RHBDD1: variants seen among roughly 807,000 people sequenced by gnomAD.
The protein encoded by RHBDD1 is rhomboid domain containing 1, also known as rhomboid-related protein 4.
Under a neutral mutation model 36.3 loss-of-function variants are expected in RHBDD1, and 38 were observed. The ratio of observed to expected loss-of-function variants is 1.05; its 90% CI spans 0.81 to 1.37. The LOEUF (loss-of-function observed/expected upper bound fraction) is 1.37. RHBDD1 is among the 40% of genes most tolerant of loss of function. The pLI is 0.00. For synonymous variants in RHBDD1, 151 were observed against 136.5 expected (o/e 1.11, Z -0.74); for missense variants, 393 against 377.6 (o/e 1.04, Z -0.34).
At chr2:226,980,420 G>A (rs970140258) in intron 8 of RHBDD1, among the ~76,000 whole-genome samples, 1 of 152,122 alleles carries the variant, frequency 6.6e-6, no homozygotes, top group African/African-American at 2.4e-5. Flanking sequence ...AAGAGAAAAC[G>A]GGAGATTTGG....
chr2:226,906,595 T>G (rs1948070843), intron 5 of RHBDD1, 198 bp from the exon 6 acceptor site: 3 of 1,199,058 alleles, frequency 2.5e-6, no homozygotes, highest in Non-Finnish European at 3.4e-6. Flanking sequence ...ATGTGGTGGT[T>G]GTTATTCATT....
intron 8 of RHBDD1, among the ~76,000 whole-genome samples, chr2:226,990,659 C>A (rs571842876): frequency 6.6e-6 from 1 of 152,204 alleles, no homozygotes; most frequent in East Asian, 1.9e-4. Flanking sequence ...AATGCAGAGG[C>A]TACTGCATTT....
At chr2:226,964,403 G>A (rs900304863) in intron 8 of RHBDD1, among the ~76,000 whole-genome samples, 1 of 152,020 alleles carries the variant, frequency 6.6e-6, no homozygotes, top group Non-Finnish European at 1.5e-5. Context: ...TTTTCCCAAT[G>A]TCACACTTTC....
chr2:226,959,960 C>T (rs918538306), intron 8 of RHBDD1, among the ~76,000 whole-genome samples: 1 of 151,996 alleles, frequency 6.6e-6, no homozygotes, highest in Admixed American at 6.6e-5. Flanking sequence ...GTAGCTGGGA[C>T]TACAGGCACC....
At chr2:226,839,812 C>G (rs1322854303) in intron 3 of RHBDD1, among the ~76,000 whole-genome samples, 185 bp downstream of exon 3, 3 of 151,870 alleles carry the variant, frequency 2.0e-5, no homozygotes, top group Non-Finnish European at 4.4e-5. Flanking sequence ...TAAAAAATCC[C>G]TCCAAGTTGT....
chr2:226,912,532 A>G (rs1432673992), intron 7 of RHBDD1, among the ~76,000 whole-genome samples: 1 of 152,190 alleles, frequency 6.6e-6, no homozygotes, highest in Non-Finnish European at 1.5e-5. Context: ...CATAAAAAAG[A>G]ATGAAGTACC....
intron 3 of RHBDD1, among the ~76,000 whole-genome samples, chr2:226,863,840 A>G (rs1347135948): frequency 2.6e-5 from 4 of 152,208 alleles, no homozygotes; most frequent in African/African-American, 4.8e-5. Context: ...CTAGTAAGCC[A>G]TGGAACTTCT....
chr2:226,941,566 A>C (rs752735903), intron 8 of RHBDD1, among the ~76,000 whole-genome samples: 1 of 152,250 alleles, frequency 6.6e-6, no homozygotes, highest in Non-Finnish European at 1.5e-5. Flanking sequence ...CTGAATTCCA[A>C]GTAGTCCCAA....
At chr2:226,807,959 G>A in the RHBDD1 span, among the ~76,000 whole-genome samples, 20 of 152,054 alleles carry the variant, frequency 1.3e-4, no homozygotes, top group East Asian at 2.5e-3. Context: ...AAATTGCAGT[G>A]AGCCGACGTC....
At chr2:226,891,880 C>G (rs1179708270) in intron 5 of RHBDD1, among the ~76,000 whole-genome samples, 1 of 152,180 alleles carries the variant, frequency 6.6e-6, no homozygotes, top group Non-Finnish European at 1.5e-5. Context: ...CTTCACTGGA[C>G]TGTCATCACT....
chr2:226,911,485 C>G (rs1367228411), intron 7 of RHBDD1, among the ~76,000 whole-genome samples: 1 of 136,306 alleles, frequency 7.3e-6, no homozygotes, highest in Non-Finnish European at 1.6e-5. Flanking sequence ...TTCTTTGATT[C>G]TTTGTGGAAA....
intron 8 of RHBDD1, among the ~76,000 whole-genome samples, chr2:226,959,027 C>T (rs1057215708): frequency 6.6e-6 from 1 of 152,100 alleles, no homozygotes; most frequent in Admixed American, 6.5e-5. Flanking sequence ...TAATAGTTCT[C>T]TTTAGCATAG....
chr2:226,914,095 A>G (rs1948721284), intron 7 of RHBDD1, 113 bp from the exon 8 acceptor site: 2 of 939,394 alleles, frequency 2.1e-6, no homozygotes, highest in South Asian at 1.8e-5. Context: ...GAGGATAATT[A>G]TTATACCTAA....
chr2:226,845,172 T>C (rs1574762394), intron 3 of RHBDD1, among the ~76,000 whole-genome samples: 1 of 152,338 alleles, frequency 6.6e-6, no homozygotes, highest in African/African-American at 2.4e-5. Flanking sequence ...TGTTATACTT[T>C]TTAAAAAATG....
intron 8 of RHBDD1, among the ~76,000 whole-genome samples, chr2:226,919,611 T>G (rs1017247001): frequency 8.5e-5 from 13 of 152,078 alleles, no homozygotes; most frequent in African/African-American, 3.1e-4. Flanking sequence ...CTTGGCACCT[T>G]TTTTGAAAAT....
chr2:226,956,675 C>G (rs992362521), intron 8 of RHBDD1, among the ~76,000 whole-genome samples: 2 of 152,150 alleles, frequency 1.3e-5, no homozygotes, highest in Non-Finnish European at 2.9e-5. Context: ...CCCAGAAATG[C>G]TAACAGAAAG....
intron 3 of RHBDD1, among the ~76,000 whole-genome samples, chr2:226,851,095 T>C (rs1942766339): frequency 6.6e-6 from 1 of 152,124 alleles, no homozygotes; most frequent in Non-Finnish European, 1.5e-5. Context: ...GCCTCACCTG[T>C]GGAAGATGGT....
chr2:226,930,526 AC>A, intron 8 of RHBDD1, among the ~76,000 whole-genome samples: 1 of 152,206 alleles, frequency 6.6e-6, no homozygotes, highest in Non-Finnish European at 1.5e-5. Flanking sequence ...AAGACCTGAA[AC>A]CATAAGAATT....
At chr2:226,880,191 C>G (rs1357604990) in intron 5 of RHBDD1, among the ~76,000 whole-genome samples, 1 of 152,022 alleles carries the variant, frequency 6.6e-6, no homozygotes, top group Non-Finnish European at 1.5e-5. Context: ...TAGAATGATA[C>G]CCTGTTTCAT....
Sources: allele counts gnomAD v4.1 joint callset (sites outside exome capture counted in the v4.1 genomes callset), GRCh38; gene constraint gnomAD v4.1.1; transcripts MANE v1.5; gene names NCBI Gene and HGNC (gene_info 2026-07-23, HGNC 2026-07-21).